ANAPC1: variants seen among roughly 807,000 people sequenced by gnomAD.
ANAPC1 encodes the protein anaphase promoting complex subunit 1, also known as anaphase-promoting complex subunit 1.
ANAPC1 carries 36 observed loss-of-function variants against 208.0 expected under a neutral mutation model. That is an observed-to-expected ratio of 0.17 (90% CI 0.13 to 0.23). The LOEUF (loss-of-function observed/expected upper bound fraction) is 0.23, where lower values mean the gene tolerates loss of function less well. ANAPC1 is among the 10% of genes least tolerant of loss of function. ANAPC1 has a pLI of 1.00. For synonymous variants in ANAPC1, 378 were observed against 695.2 expected (o/e 0.54, Z 7.18); for missense variants, 942 against 2,011.6 (o/e 0.47, Z 10.17).
intron 6 of ANAPC1, among the ~76,000 whole-genome samples, chr2:111,871,332 T>C (rs1682734991): frequency 6.6e-6 from 1 of 152,236 alleles, no homozygotes; most frequent in Non-Finnish European, 1.5e-5. Flanking sequence ...TGTTACCATT[T>C]GTTTGTGTCA....
chr2:111,846,242 T>C (rs1185059203), intron 16 of ANAPC1, among the ~76,000 whole-genome samples: 3 of 151,734 alleles, frequency 2.0e-5, no homozygotes, highest in Non-Finnish European at 2.9e-5. Context: ...TTCAGAAATA[T>C]TCTCCTCAAG....
chr2:111,883,534 CAA>C lies in ANAPC1; in HGVS notation c.-25+406_-25+407del, dbSNP rs749635943. ...ATGATTCCTACAAACACTACCCTGCCAAAAAAAAAAAAAAGAGACCCAAATGC... is the reference window on the plus strand; with the variant it reads ...ATGATTCCTACAAACACTACCCTGCCAAAAAAAAAAAAGAGACCCAAATGC... On this transcript the variant is annotated intron_variant, in intron 1 of 47. Coordinates refer to ENST00000341068, the MANE Select transcript of ANAPC1 (RefSeq NM_022662.4). Among the ~76,000 whole-genome samples, 351 of 124,340 alleles carry C rather than the reference CAA, an allele frequency of 2.8e-3. 1 individual carries two copies. The highest frequency in any genetic ancestry group is 9.0e-3 in the African/African-American group (309 of 34,354). 81.6% of individuals were successfully genotyped at this position (124,340 alleles called of 152,430 possible).
chr2:111,870,018 T>C (rs572126371), intron 6 of ANAPC1, among the ~76,000 whole-genome samples: 5 of 152,222 alleles, frequency 3.3e-5, no homozygotes, highest in Non-Finnish European at 7.3e-5. Context: ...TGGCCTCCAG[T>C]TCCATCCAGC....
At chr2:111,848,137 G>C (rs1466055637) in intron 14 of ANAPC1, among the ~76,000 whole-genome samples, 2 of 151,950 alleles carry the variant, frequency 1.3e-5, no homozygotes, top group Non-Finnish European at 2.9e-5. Flanking sequence ...GACACGGCAA[G>C]ACCCAGGCTC....
intron 33 of ANAPC1, among the ~76,000 whole-genome samples, chr2:111,801,600 G>A (rs1165043914): frequency 6.7e-6 from 1 of 148,176 alleles, no homozygotes; most frequent in Non-Finnish European, 1.5e-5. Context: ...ACTGCCAGGA[G>A]TACAAGAAAA....
At chr2:111,770,192 TGTTTA>T (rs1242114145) in intron 47 of ANAPC1, among the ~76,000 whole-genome samples, 30 of 37,842 alleles carry the variant, frequency 7.9e-4, no homozygotes, top group Admixed American at 1.6e-3. Flanking sequence ...CTACTAATAT[TGTTTA>T]ATTTTATATA....
chr2:111,797,568 A>G (rs944666041), intron 34 of ANAPC1, among the ~76,000 whole-genome samples: 1 of 151,676 alleles, frequency 6.6e-6, no homozygotes, highest in Non-Finnish European at 1.5e-5. Context: ...AACAAATAAA[A>G]ACAAACCTAG....
chr2:111,810,949 A>G (rs1227452973), intron 28 of ANAPC1, among the ~76,000 whole-genome samples: 2 of 151,534 alleles, frequency 1.3e-5, no homozygotes, highest in African/African-American at 4.9e-5. Flanking sequence ...ACAGGATCAC[A>G]CCAGCTCCTA....
chr2:111,854,860 G>A (rs1681613109), intron 13 of ANAPC1, among the ~76,000 whole-genome samples: 1 of 152,146 alleles, frequency 6.6e-6, no homozygotes, highest in East Asian at 1.9e-4. Flanking sequence ...CGATAAGGCT[G>A]TTTCGCTTTA....
At chr2:111,881,776 G>T (rs539296137) in intron 1 of ANAPC1, among the ~76,000 whole-genome samples, 1 of 152,194 alleles carries the variant, frequency 6.6e-6, no homozygotes, top group African/African-American at 2.4e-5. Context: ...ATGCAAGCTA[G>T]TCTTAAGACC....
intron 34 of ANAPC1, among the ~76,000 whole-genome samples, chr2:111,795,891 GAGA>G (rs1344618339): frequency 2.0e-5 from 3 of 149,336 alleles, no homozygotes; most frequent in Non-Finnish European, 3.0e-5. Flanking sequence ...TTAATCTTCT[GAGA>G]AGATTTCTTA....
At chr2:111,858,718 C>A (rs1247799970) in intron 10 of ANAPC1, among the ~76,000 whole-genome samples, 1 of 149,472 alleles carries the variant, frequency 6.7e-6, no homozygotes, top group Admixed American at 6.7e-5. Flanking sequence ...GCCAAGATCA[C>A]GCCACTGCAC....
intron 8 of ANAPC1, 93 bp downstream of exon 8, chr2:111,864,713 T>C (rs1682306234): frequency 6.3e-7 from 1 of 1,586,364 alleles, no homozygotes; most frequent in African/African-American, 1.3e-5. Flanking sequence ...TCCGCCTGCC[T>C]TGGCCTCCCA....
At chr2:111,808,809 T>A (rs754235433) in intron 29 of ANAPC1, 138 bp downstream of exon 29, 741 of 1,172,354 alleles carry the variant, frequency 6.3e-4, no homozygotes, top group Non-Finnish European at 8.5e-4. Context: ...TTTTTTTAAT[T>A]AGTACTAGAT....
At chr2:111,770,518 A>G (rs1281236012) in intron 47 of ANAPC1, among the ~76,000 whole-genome samples, 2 of 148,778 alleles carry the variant, frequency 1.3e-5, no homozygotes, top group Non-Finnish European at 3.0e-5. Flanking sequence ...TATTGCTTCT[A>G]ACTCATTTTT....
intron 16 of ANAPC1, among the ~76,000 whole-genome samples, chr2:111,844,710 A>G (rs915138629): frequency 1.3e-5 from 2 of 152,224 alleles, no homozygotes; most frequent in Non-Finnish European, 2.9e-5. Context: ...CTAGCATTAC[A>G]TGATGTTCTA....
rs1486546113 is a variant in ANAPC1, at chr2:111,784,199, C to T, written c.4995+124G>A. On this transcript the variant is annotated intron_variant, in intron 41 of 47. Transcript: ENST00000341068. Reference sequence around the variant, plus strand: ...CTATTCTTTCTGACTTTTCCTCCTGCTGCAGCTTTCTTATCTGCTACAATA... The same window carrying T: ...CTATTCTTTCTGACTTTTCCTCCTGTTGCAGCTTTCTTATCTGCTACAATA... 2.2e-6 allele frequency: 3 copies of T among 1,389,844 alleles called. No individual in the cohort carries two copies. In the African/African-American group the frequency reaches 4.2e-5, roughly 20 times the overall value. 86.1% of individuals were successfully genotyped at this position (1,389,844 alleles called of 1,614,324 possible). A position where few individuals can be genotyped will look rare whatever the true frequency, so the allele number is the denominator to read the frequency against.
rs1275502168 is a variant in ANAPC1, at chr2:111,868,786, G to A, written c.612-690C>T. Among the ~76,000 whole-genome samples, 4 of 152,178 alleles carry A rather than the reference G, an allele frequency of 2.6e-5. No homozygotes were observed. The South Asian group carries it at 6.2e-4, about 24-fold the overall frequency. ...GACCTCAGGTGATCCACCTGCCTCG[G>A]CCTCCCAGAGTGCTGGGATTACAGG... On this transcript the variant is annotated intron_variant, in intron 6 of 47. Coordinates refer to ENST00000341068, the MANE Select transcript of ANAPC1 (RefSeq NM_022662.4).
intron 18 of ANAPC1, 66 bp downstream of exon 18, chr2:111,838,372 A>G (rs1326420298): frequency 1.5e-6 from 2 of 1,310,642 alleles, no homozygotes; most frequent in Non-Finnish European, 2.1e-6. Context: ...GGAATACCAC[A>G]GAAGTGGAAG....
Sources: allele counts gnomAD v4.1 joint callset (sites outside exome capture counted in the v4.1 genomes callset), GRCh38; gene constraint gnomAD v4.1.1; transcripts MANE v1.5; gene names NCBI Gene and HGNC (gene_info 2026-07-23, HGNC 2026-07-21).